The following JPH1 variants were observed in gnomAD, a reference collection of about 807,000 sequenced individuals.
The protein encoded by JPH1 is junctophilin-1.
A neutral mutation model predicts 53.6 loss-of-function variants in JPH1; 12 were observed. The ratio of observed to expected loss-of-function variants is 0.22; its 90% CI spans 0.14 to 0.36. The LOEUF (loss-of-function observed/expected upper bound fraction) is 0.36, where lower values mean the gene tolerates loss of function less well. JPH1 is among the 10% of genes least tolerant of loss of function. JPH1 has a pLI of 1.00. For missense variants in JPH1, 808 were observed against 905.5 expected, an observed-to-expected ratio of 0.89 and a Z score of 1.38; for synonymous variants, 375 against 363.8, an observed-to-expected ratio of 1.03 and a Z score of -0.35.
chr8:74,277,761 C>T (rs1806889949), intron 2 of JPH1, among the ~76,000 whole-genome samples: 1 of 152,108 alleles, frequency 6.6e-6, no homozygotes, highest in Admixed American at 6.5e-5. Flanking sequence ...AAAATACAGG[C>T]AATGCTGGGC....
intron 3 of JPH1, among the ~76,000 whole-genome samples, chr8:74,258,931 C>G (rs1167334475): frequency 6.6e-6 from 1 of 152,174 alleles, no homozygotes; most frequent in Non-Finnish European, 1.5e-5. Context: ...ATCCAAAAAT[C>G]TGAAATGCTC....
chr8:74,309,355 G>T (rs927942503), intron 2 of JPH1, among the ~76,000 whole-genome samples: 1 of 152,180 alleles, frequency 6.6e-6, no homozygotes, highest in Non-Finnish European at 1.5e-5. Flanking sequence ...ATATAACAAA[G>T]TCAATACAAG....
intron 2 of JPH1, among the ~76,000 whole-genome samples, chr8:74,273,040 C>T (rs979133400): frequency 2.0e-5 from 3 of 152,118 alleles, no homozygotes; most frequent in African/African-American, 7.2e-5. Flanking sequence ...AATGTTTAAA[C>T]TAAAACCTTA....
At position 74,320,713 on chromosome 8, in the gene JPH1, A is replaced by G. The variant is rs1300113489; in HGVS notation, c.379+196T>C. Among the ~76,000 whole-genome samples, 2 of 152,104 alleles carry G rather than the reference A, an allele frequency of 1.3e-5. No homozygotes were observed. The highest frequency in any genetic ancestry group is 4.8e-5 in the African/African-American group (2 of 41,432). ...CCGCTCCAAGAACGGGGTCAGATCC[A>G]GCCCTCGCGCCCCAGTCCGGTCCCA... On this transcript the variant is annotated intron_variant, in intron 1 of 5. Coordinates refer to ENST00000342232, the MANE Select transcript of JPH1 (RefSeq NM_020647.4). This position sits in a 1 kb window ranked among gnomAD's most constrained non-coding sequence, Gnocchi z 4.4.
chr8:74,253,448 C>T (rs1806126476), intron 3 of JPH1, among the ~76,000 whole-genome samples: 1 of 151,988 alleles, frequency 6.6e-6, no homozygotes, highest in African/African-American at 2.4e-5. Context: ...CAGGAAAGAT[C>T]TAAAATTGAC....
chr8:74,254,010 A>G (rs1158265989), intron 3 of JPH1, among the ~76,000 whole-genome samples: 1 of 152,140 alleles, frequency 6.6e-6, no homozygotes, highest in African/African-American at 2.4e-5. Flanking sequence ...TCCAATCAAT[A>G]GAAAAAGAGG....
intron 2 of JPH1, among the ~76,000 whole-genome samples, chr8:74,278,645 T>A (rs117480053): frequency 2.6e-5 from 4 of 152,180 alleles, no homozygotes; most frequent in Admixed American, 6.5e-5. Flanking sequence ...GCTTGGGTGA[T>A]TGACCCGGAC....
In JPH1 at chr8:74,321,391, G is replaced by T. The variant is rs1808322370; in HGVS notation, c.-104C>A. On this transcript the variant is annotated 5_prime_UTR_variant, in exon 1 of 6. Coordinates refer to ENST00000342232, the MANE Select transcript of JPH1 (RefSeq NM_020647.4). This position sits in a 1 kb window ranked among gnomAD's most constrained non-coding sequence, Gnocchi z 4.3. Reference sequence around the variant, plus strand: ...GTGGGGGCCCGGCGGGCGAGCTCACGACAGCGCCCTGGGCAGCTCGCGCTG... The same window carrying T: ...GTGGGGGCCCGGCGGGCGAGCTCACTACAGCGCCCTGGGCAGCTCGCGCTG... 8.4e-7 allele frequency: 1 copy of T among 1,190,920 alleles called. No homozygotes were observed. The highest frequency in any genetic ancestry group is 1.1e-6 in the Non-Finnish European group (1 of 899,340). 73.8% of individuals were successfully genotyped at this position (1,190,920 alleles called of 1,614,324 possible).
At chr8:74,278,286 C>T (rs1054334810) in intron 2 of JPH1, among the ~76,000 whole-genome samples, 1 of 152,194 alleles carries the variant, frequency 6.6e-6, no homozygotes, top group Non-Finnish European at 1.5e-5. Flanking sequence ...ACATGACTTG[C>T]TTTTCCTTGC....
chr8:74,320,586 C>T lies in JPH1; in HGVS notation c.379+323G>A, dbSNP rs1178513570. On this transcript the variant is annotated intron_variant, in intron 1 of 5. Coordinates refer to ENST00000342232, the MANE Select transcript of JPH1 (RefSeq NM_020647.4). This position sits in a 1 kb window ranked among gnomAD's most constrained non-coding sequence, Gnocchi z 4.4. ...GGGCTCAAGTGACAGCGTCCTCTCT[C>T]CAGCCCAACCCTCCCGGGCGGCGCT... 6.6e-6 allele frequency among the ~76,000 whole-genome samples: 1 copy of T among 152,152 alleles called. No individual in the cohort carries two copies. Among genetic ancestry groups the T allele is most frequent in the Non-Finnish European group, 1.5e-5 (1 of 68,006 alleles).
intron 2 of JPH1, among the ~76,000 whole-genome samples, chr8:74,306,822 C>G (rs1231526702): frequency 6.6e-6 from 1 of 152,064 alleles, no homozygotes; most frequent in Non-Finnish European, 1.5e-5. Context: ...GTCTCGAACT[C>G]CTGACCTCAA....
At chr8:74,247,528 A>T (rs1805892772) in intron 3 of JPH1, among the ~76,000 whole-genome samples, 1 of 152,238 alleles carries the variant, frequency 6.6e-6, no homozygotes, top group Non-Finnish European at 1.5e-5. Context: ...AGATTAAGGC[A>T]CATTAAAAGC....
rs986002999 is a variant in JPH1 at position 74,253,205 on chromosome 8, G to A, written c.1258+6180C>T. 3.3e-5 allele frequency among the ~76,000 whole-genome samples: 5 copies of A among 152,110 alleles called. 1 individual carries two copies. Among genetic ancestry groups the A allele is most frequent in the African/African-American group, 9.7e-5 (4 of 41,352 alleles). ...ATAACAAACTATCTCTCAGACCACA[G>A]TGCAATCAAACTAGAACTCAGGATT... On this transcript the variant is annotated intron_variant, in intron 3 of 5. Coordinates refer to ENST00000342232, the MANE Select transcript of JPH1 (RefSeq NM_020647.4).
At chr8:74,256,159 T>C (rs1336527453) in intron 3 of JPH1, among the ~76,000 whole-genome samples, 4 of 152,084 alleles carry the variant, frequency 2.6e-5, no homozygotes, top group Non-Finnish European at 5.9e-5. Context: ...CCAACAATGA[T>C]AGACTGGATT....
intron 3 of JPH1, among the ~76,000 whole-genome samples, chr8:74,256,922 C>T (rs1049142712): frequency 1.3e-5 from 2 of 152,136 alleles, no homozygotes; most frequent in Non-Finnish European, 2.9e-5. Flanking sequence ...CTTCTATGCA[C>T]GAACACATGC....
chr8:74,309,259 GGTCA>G (rs1807922303), intron 2 of JPH1, among the ~76,000 whole-genome samples: 1 of 151,662 alleles, frequency 6.6e-6, no homozygotes, highest in Non-Finnish European at 1.5e-5. Flanking sequence ...AAGTGAGGCT[GGTCA>G]GTTAGCCAGA....
chr8:74,280,662 G>A, intron 2 of JPH1, among the ~76,000 whole-genome samples: 1 of 152,016 alleles, frequency 6.6e-6, no homozygotes, highest in East Asian at 1.9e-4. Flanking sequence ...ACACCAGAGG[G>A]TAACTAACCA....
intron 2 of JPH1, among the ~76,000 whole-genome samples, chr8:74,263,754 G>C (rs890814209): frequency 7.0e-4 from 107 of 152,168 alleles, no homozygotes; most frequent in African/African-American, 2.5e-3. Context: ...TGTCTTGAAA[G>C]TGCTTAATAA....
chr8:74,286,248 T>G (rs1218434726), intron 2 of JPH1, among the ~76,000 whole-genome samples: 1 of 152,182 alleles, frequency 6.6e-6, no homozygotes, highest in Non-Finnish European at 1.5e-5. Flanking sequence ...CTGTTAACAT[T>G]TTTTTCTGCG....
Sources: allele counts gnomAD v4.1 joint callset (sites outside exome capture counted in the v4.1 genomes callset), GRCh38; gene constraint gnomAD v4.1.1; non-coding constraint Gnocchi (gnomAD v3.1); transcripts MANE v1.5; gene names NCBI Gene and HGNC (gene_info 2026-07-23, HGNC 2026-07-21).